The following GRIA4 variants were observed in gnomAD, a reference collection of about 807,000 sequenced individuals.
GRIA4 encodes the protein glutamate ionotropic receptor AMPA type subunit 4, also known as glutamate receptor 4.
GRIA4 carries 34 observed loss-of-function variants against 104.0 expected under a neutral mutation model. The observed-to-expected ratio is 0.33, with a 90% confidence interval of 0.25 to 0.44. The LOEUF is 0.44. Among genes scored for constraint, GRIA4 ranks in the 20% least tolerant of loss-of-function variants. The pLI is 1.00. For synonymous variants in GRIA4, 386 were observed against 381.9 expected (o/e 1.01, Z -0.13); for missense variants, 750 against 1,096.5 (o/e 0.68, Z 4.46).
Position 105,703,626 on chromosome 11 carries a change from T to G in GRIA4, c.248-49355T>G, listed in dbSNP as rs140989931. On this transcript the variant is annotated intron_variant, in intron 3 of 16. Transcript: ENST00000282499. ...GACAGTAGTTATTCCACAATGGAGG[T>G]AAAATTATGGATTTTTTTAAATTCA... Among the ~76,000 whole-genome samples the G allele has an allele frequency of 8.1e-3, 1,239 of 152,278 alleles. 13 individuals are homozygous for G. Among genetic ancestry groups the G allele is most frequent in the Non-Finnish European group, 0.012 (848 of 68,002 alleles).
chr11:105,903,578 T>A (rs934152402), intron 7 of GRIA4, among the ~76,000 whole-genome samples: 12 of 152,212 alleles, frequency 7.9e-5, no homozygotes, highest in Admixed American at 3.9e-4. Context: ...TTGGAATTTC[T>A]ATTTTTCAGA....
At chr11:105,764,748 C>T (rs939286248) in intron 4 of GRIA4, among the ~76,000 whole-genome samples, 1 of 151,642 alleles carries the variant, frequency 6.6e-6, no homozygotes. Flanking sequence ...ATGTTACCTT[C>T]ACATTACTGT....
At chr11:105,746,011 T>G (rs1467742498) in intron 3 of GRIA4, among the ~76,000 whole-genome samples, 3 of 152,142 alleles carry the variant, frequency 2.0e-5, no homozygotes, top group African/African-American at 7.2e-5. Context: ...TTAGTAGAGA[T>G]TTTTTATTAA....
chr11:105,706,928 T>A (rs1953723575), intron 3 of GRIA4: 1 of 152,276 alleles, frequency 6.6e-6, no homozygotes, highest in South Asian at 2.1e-4. Context: ...ATGCTTTATA[T>A]ACGTCAAAAG....
intron 4 of GRIA4, among the ~76,000 whole-genome samples, chr11:105,775,432 A>G (rs1417814685): frequency 6.6e-6 from 1 of 152,166 alleles, no homozygotes; most frequent in Admixed American, 6.6e-5. Flanking sequence ...TTATTTATGT[A>G]ATGATGTATT....
At chr11:105,670,991 T>A (rs1047425070) in intron 3 of GRIA4, among the ~76,000 whole-genome samples, 5 of 152,062 alleles carry the variant, frequency 3.3e-5, no homozygotes, top group African/African-American at 1.2e-4. Context: ...ACTTCCTCCA[T>A]CTTCAAAGAT....
intron 6 of GRIA4, among the ~76,000 whole-genome samples, chr11:105,895,252 C>CGTGTGTGTGT (rs59472131): frequency 0.19 from 28,170 of 148,652 alleles, 2,811 homozygotes; most frequent in South Asian, 0.23. Context: ...CGAGCTCATG[C>CGTGTGTGTGT]GTGTGTGTGT....
intron 4 of GRIA4, among the ~76,000 whole-genome samples, chr11:105,789,825 C>T (rs570040890): frequency 1.3e-5 from 2 of 152,244 alleles, no homozygotes; most frequent in African/African-American, 4.8e-5. Context: ...CATTATTGCT[C>T]AGGGTGACTT....
At chr11:105,792,645 T>C (rs529736913) in intron 4 of GRIA4, among the ~76,000 whole-genome samples, 73 of 152,256 alleles carry the variant, frequency 4.8e-4, no homozygotes, top group African/African-American at 1.6e-3. Flanking sequence ...CCTGAAGATA[T>C]TTGCTTATTT....
intron 4 of GRIA4, among the ~76,000 whole-genome samples, chr11:105,772,452 G>A (rs1244431729): frequency 6.6e-6 from 1 of 152,036 alleles, no homozygotes; most frequent in Non-Finnish European, 1.5e-5. Context: ...TGTGGTAAAT[G>A]TATTTTCTGT....
chr11:105,627,605 A>C (rs1353442357), intron 3 of GRIA4, among the ~76,000 whole-genome samples: 1 of 152,168 alleles, frequency 6.6e-6, no homozygotes, highest in African/African-American at 2.4e-5. Flanking sequence ...GCTGTTTGTA[A>C]GACCCATTTT....
chr11:105,946,944 C>T (rs1948329920), intron 14 of GRIA4, among the ~76,000 whole-genome samples: 1 of 152,148 alleles, frequency 6.6e-6, no homozygotes, highest in Non-Finnish European at 1.5e-5. Context: ...GTTTAGAAGC[C>T]TTGCAAATCC....
chr11:105,677,570 C>G (rs1952578527), intron 3 of GRIA4, among the ~76,000 whole-genome samples: 1 of 151,846 alleles, frequency 6.6e-6, no homozygotes, highest in African/African-American at 2.4e-5. Flanking sequence ...AAAAGCCAAA[C>G]TTAAATCAGA....
chr11:105,834,427 TA>T (rs751779444), intron 4 of GRIA4, among the ~76,000 whole-genome samples: 6 of 152,100 alleles, frequency 3.9e-5, no homozygotes, highest in Non-Finnish European at 8.8e-5. Context: ...AATTCCATGC[TA>T]AAATCAGCCC....
intron 14 of GRIA4, among the ~76,000 whole-genome samples, chr11:105,970,540 A>G (rs1370945068): frequency 6.6e-6 from 1 of 152,224 alleles, no homozygotes; most frequent in Admixed American, 6.5e-5. Context: ...GTTAGTGAAC[A>G]TGAAAAATGC....
At chr11:105,950,615 T>C (rs1391839714) in intron 14 of GRIA4, among the ~76,000 whole-genome samples, 5 of 152,218 alleles carry the variant, frequency 3.3e-5, no homozygotes, top group African/African-American at 7.2e-5. Context: ...TCATTTCATA[T>C]AGATATTGGT....
chr11:105,712,002 TTCTC>T (rs1429406375), intron 3 of GRIA4, among the ~76,000 whole-genome samples: 9 of 152,312 alleles, frequency 5.9e-5, no homozygotes, highest in East Asian at 3.9e-4. Flanking sequence ...ATCTTTCTCT[TTCTC>T]TCTATGATAG....
chr11:105,912,238 T>C (rs898650163), intron 10 of GRIA4: 5 of 983,576 alleles, frequency 5.1e-6, no homozygotes, highest in Non-Finnish European at 6.1e-6. Flanking sequence ...AGATTTTCTA[T>C]AAGTAAATAT....
chr11:105,962,307 G>A (rs917851830), intron 14 of GRIA4, among the ~76,000 whole-genome samples: 1 of 152,104 alleles, frequency 6.6e-6, no homozygotes, highest in Non-Finnish European at 1.5e-5. Context: ...GCTGGATTAA[G>A]CATGCTTTTC....
Sources: allele counts gnomAD v4.1 joint callset (sites outside exome capture counted in the v4.1 genomes callset), GRCh38; gene constraint gnomAD v4.1.1; transcripts MANE v1.5; gene names NCBI Gene and HGNC (gene_info 2026-07-23, HGNC 2026-07-21).